The following AGTPBP1 variants were observed in gnomAD, a reference collection of about 807,000 sequenced individuals.
AGTPBP1 encodes the protein ATP/GTP binding carboxypeptidase 1.
AGTPBP1 carries 70 observed loss-of-function variants against 143.9 expected under a neutral mutation model. The ratio of observed to expected loss-of-function variants is 0.49; its 90% CI spans 0.40 to 0.59. The LOEUF (loss-of-function observed/expected upper bound fraction) is 0.59. AGTPBP1 is among the 20% of genes least tolerant of loss of function. The pLI is 0.00. For missense variants in AGTPBP1, 1,229 were observed against 1,464.5 expected (o/e 0.84, Z 2.62); for synonymous variants, 463 against 500.2 (o/e 0.93, Z 0.99).
At chr9:85,620,038 TA>T (rs1830825480) in intron 15 of AGTPBP1, among the ~76,000 whole-genome samples, 1 of 152,208 alleles carries the variant, frequency 6.6e-6, no homozygotes, top group South Asian at 2.1e-4. Flanking sequence ...TCCTCTTTTT[TA>T]TAACAGTATT....
At chr9:85,587,241 T>C (rs749856305) in intron 21 of AGTPBP1, among the ~76,000 whole-genome samples, 3 of 152,184 alleles carry the variant, frequency 2.0e-5, no homozygotes, top group Non-Finnish European at 1.5e-5. Flanking sequence ...AAAAAATTCT[T>C]AACTCCAAGG....
chr9:85,621,523 A>C (rs1453690097), intron 14 of AGTPBP1, among the ~76,000 whole-genome samples: 2 of 136,276 alleles, frequency 1.5e-5, no homozygotes, highest in African/African-American at 6.9e-5. Flanking sequence ...CACAAGTCCA[A>C]TCATTTAAAA....
At chr9:85,765,217 T>A in the AGTPBP1 span, 1 of 251,150 alleles carries the variant, frequency 4.0e-6, no homozygotes, top group Non-Finnish European at 7.8e-6. Flanking sequence ...GGGTTTCTCG[T>A]CTGAAATCAC....
At chr9:85,722,805 G>A (rs1410925854) in intron 1 of AGTPBP1, among the ~76,000 whole-genome samples, 1 of 152,128 alleles carries the variant, frequency 6.6e-6, no homozygotes, top group African/African-American at 2.4e-5. Context: ...CCCCATCTTT[G>A]TGGTTTTATC....
chr9:85,738,109 A>C (rs1038834265), intron 1 of AGTPBP1, among the ~76,000 whole-genome samples: 1 of 152,204 alleles, frequency 6.6e-6, no homozygotes, highest in Non-Finnish European at 1.5e-5. Context: ...TTAACATGTA[A>C]AGAGTTTATA....
At chr9:85,632,626 G>T in intron 14 of AGTPBP1, 36 bp downstream of exon 14, 1 of 1,510,058 alleles carries the variant, frequency 6.6e-7, no homozygotes, top group Non-Finnish European at 8.9e-7. Flanking sequence ...CTTGACAATA[G>T]CCTTATTTAG....
At chr9:85,798,523 C>T in the AGTPBP1 span, among the ~76,000 whole-genome samples, 8 of 151,766 alleles carry the variant, frequency 5.3e-5, no homozygotes, top group South Asian at 2.1e-4. Flanking sequence ...TGTGCCACCA[C>T]GCGCAGCTAC....
intron 14 of AGTPBP1, among the ~76,000 whole-genome samples, chr9:85,624,737 T>C (rs1831164814): frequency 6.6e-6 from 1 of 152,204 alleles, no homozygotes; most frequent in Admixed American, 6.5e-5. Flanking sequence ...TCAAGTATGA[T>C]ATAAAAGCAA....
At chr9:85,694,902 T>C (rs1171098137) in intron 2 of AGTPBP1, among the ~76,000 whole-genome samples, 1 of 152,204 alleles carries the variant, frequency 6.6e-6, no homozygotes, top group Non-Finnish European at 1.5e-5. Flanking sequence ...TGAATTCAGT[T>C]GAAGGTTCAA....
chr9:85,735,632 CA>C (rs1482120873), intron 1 of AGTPBP1, among the ~76,000 whole-genome samples: 38 of 151,952 alleles, frequency 2.5e-4, no homozygotes, highest in Admixed American at 1.5e-3. Flanking sequence ...AAAGTTGTTT[CA>C]AATATAAATA....
the AGTPBP1 span, among the ~76,000 whole-genome samples, chr9:85,777,423 A>T: frequency 1.6e-3 from 248 of 152,282 alleles, 2 homozygotes; most frequent in African/African-American, 5.6e-3. Context: ...GCTGCTGGCA[A>T]ATTGGGCACT....
chr9:85,621,087 T>C (rs1020881908), intron 15 of AGTPBP1, 115 bp downstream of exon 15: 1 of 481,238 alleles, frequency 2.1e-6, no homozygotes, highest in Non-Finnish European at 3.3e-6. Flanking sequence ...ATATTTTTAT[T>C]TATTATTTTA....
chr9:85,756,543 G>A, the AGTPBP1 span, among the ~76,000 whole-genome samples: 4 of 147,574 alleles, frequency 2.7e-5, no homozygotes, highest in Non-Finnish European at 6.0e-5. Flanking sequence ...ATGGATAGAT[G>A]GATAGATAGA....
At chr9:85,612,987 T>TA (rs1830408840) in intron 17 of AGTPBP1, among the ~76,000 whole-genome samples, 1 of 152,002 alleles carries the variant, frequency 6.6e-6, no homozygotes, top group African/African-American at 2.4e-5. Flanking sequence ...GACCAGATAT[T>TA]AAGCCACAAA....
chr9:85,741,132 C>T (rs1189523771), intron 1 of AGTPBP1: 2 of 788,350 alleles, frequency 2.5e-6, no homozygotes, highest in Non-Finnish European at 3.1e-6. Flanking sequence ...GGAAACTCTG[C>T]ACTGTCATCC....
intron 25 of AGTPBP1, among the ~76,000 whole-genome samples, chr9:85,570,582 C>G (rs1186772338): frequency 6.6e-6 from 1 of 152,176 alleles, no homozygotes; most frequent in Non-Finnish European, 1.5e-5. Flanking sequence ...ATAACACTAT[C>G]ATGCCACTTC....
rs369469973 is a variant in AGTPBP1, at chr9:85,588,496, T to A, written c.2723-18A>T. ...GCGATTTCCTAAAGTACACATAAAATCTCAAATTAAAATGAACAGCTACTA... is the reference window on the plus strand; with the variant it reads ...GCGATTTCCTAAAGTACACATAAAAACTCAAATTAAAATGAACAGCTACTA... On this transcript the variant is annotated intron_variant, in intron 20 of 25. Coordinates refer to ENST00000357081, the MANE Select transcript of AGTPBP1 (RefSeq NM_001330701.2). The A allele has an allele frequency of 3.6e-5, 58 of 1,602,600 alleles. 2 individuals are homozygous for A. The African/African-American group carries it at 4.5e-4, about 12-fold the overall frequency.
At chr9:85,571,904 G>A (rs1326177728) in intron 25 of AGTPBP1, among the ~76,000 whole-genome samples, 3 of 150,918 alleles carry the variant, frequency 2.0e-5, no homozygotes, top group African/African-American at 7.3e-5. Context: ...GGAGGAAGAA[G>A]TGACTAGTTT....
chr9:85,704,676 G>A (rs1297979170), intron 2 of AGTPBP1, among the ~76,000 whole-genome samples: 2 of 152,162 alleles, frequency 1.3e-5, no homozygotes, highest in African/African-American at 4.8e-5. Context: ...ATACAAAAAT[G>A]TCCAGGACAG....
Sources: allele counts gnomAD v4.1 joint callset (sites outside exome capture counted in the v4.1 genomes callset), GRCh38; gene constraint gnomAD v4.1.1; transcripts MANE v1.5; gene names NCBI Gene and HGNC (gene_info 2026-07-23, HGNC 2026-07-21).